The following HNRNPD variants were observed in gnomAD, a reference collection of about 807,000 sequenced individuals.
The protein encoded by HNRNPD is heterogeneous nuclear ribonucleoprotein D0.
A neutral mutation model predicts 47.9 loss-of-function variants in HNRNPD; 3 were observed. The observed-to-expected ratio is 0.06, with a 90% confidence interval of 0.03 to 0.16. HNRNPD has a LOEUF of 0.16. Among genes scored for constraint, HNRNPD ranks in the 10% least tolerant of loss-of-function variants. The pLI is 1.00. For synonymous variants in HNRNPD, 171 were observed against 165.1 expected, an observed-to-expected ratio of 1.04 and a Z score of -0.28; for missense variants, 287 against 454.2, an observed-to-expected ratio of 0.63 and a Z score of 3.35.
At chr4:82,364,552 C>A (rs1376976291) in intron 2 of HNRNPD, among the ~76,000 whole-genome samples, 4 of 152,026 alleles carry the variant, frequency 2.6e-5, no homozygotes, top group Non-Finnish European at 5.9e-5. Flanking sequence ...TATAAACTTT[C>A]CAACATTAAA....
chr4:82,368,458 GA>G (rs1719874047), intron 2 of HNRNPD, among the ~76,000 whole-genome samples: 4 of 152,110 alleles, frequency 2.6e-5, no homozygotes, highest in South Asian at 4.1e-4. Flanking sequence ...AACAAGCACT[GA>G]AAAACTTCAA....
chr4:82,357,857 G>A, intron 4 of HNRNPD: 1 of 153,876 alleles, frequency 6.5e-6, no homozygotes, highest in Admixed American at 6.5e-5. Context: ...CTACTACTCA[G>A]TTTGAGAGAT....
intron 2 of HNRNPD, among the ~76,000 whole-genome samples, chr4:82,367,881 G>A (rs1169127398): frequency 6.6e-6 from 1 of 152,200 alleles, no homozygotes; most frequent in South Asian, 2.1e-4. Flanking sequence ...AGGCTATGTA[G>A]TCAATCCTCC....
chr4:82,365,502 G>A (rs996785045), intron 2 of HNRNPD, among the ~76,000 whole-genome samples: 1 of 151,974 alleles, frequency 6.6e-6, no homozygotes, highest in Non-Finnish European at 1.5e-5. Flanking sequence ...ACACGTTAGG[G>A]TATTTTACAA....
intron 2 of HNRNPD, among the ~76,000 whole-genome samples, chr4:82,365,771 A>ATTTTTTTTTTTTTTTTTTTTTTTTTTTTT (rs80051188): frequency 9.4e-6 from 1 of 106,256 alleles, no homozygotes; most frequent in Non-Finnish European, 1.8e-5. Context: ...GGCCCAGCTA[A>ATTTTTTTTTTTTTTTTTTTTTTTTTTTTT]TTTTTTTTTT....
intron 1 of HNRNPD, 93 bp downstream of exon 1, chr4:82,373,353 G>A (rs1017350236): frequency 4.7e-6 from 7 of 1,480,844 alleles, no homozygotes; most frequent in Non-Finnish European, 6.3e-6. Flanking sequence ...CCGGAGAACG[G>A]GCTGAGAGCG....
chr4:82,373,611 G>A lies in HNRNPD; in HGVS notation c.68C>T (p.Ala23Val), dbSNP rs1028479324. ...AAATAAVGGS[A>V]GEQEGAMVAA... ...CACCATGGCTCCCTCCTGCTCGCCCGCCGAGCCGCCTACCGCCGCCGTTGC... is the reference window on the plus strand; with the variant it reads ...CACCATGGCTCCCTCCTGCTCGCCCACCGAGCCGCCTACCGCCGCCGTTGC... Residue 23 changes from alanine (A) to valine (V), a missense_variant, in exon 1 of 9, where the codon GCG becomes GTG. Transcript: ENST00000313899. The A allele has an allele frequency of 5.9e-6, 9 of 1,526,764 alleles. No individual in the cohort carries two copies. In the South Asian group the frequency reaches 7.2e-5, roughly 12 times the overall value. 94.6% of individuals were successfully genotyped at this position (1,526,764 alleles called of 1,614,324 possible).
intron 8 of HNRNPD, chr4:82,354,609 G>A (rs1382561218): frequency 6.6e-6 from 1 of 152,592 alleles, no homozygotes; most frequent in Non-Finnish European, 1.5e-5. Context: ...AGAACTTCTT[G>A]CAATTACTGC....
At position 82,358,764 on chromosome 4, in the gene HNRNPD, G is replaced by A. The variant is rs111562413; in HGVS notation, c.516C>T (p.Ala172=). 1.2e-6 allele frequency: 2 copies of A among 1,612,506 alleles called. No homozygotes were observed. The highest frequency in any genetic ancestry group is 2.2e-5 in the East Asian group (1 of 44,792). ...LNGKVIDPKR[A]KAMKTKEPVK... ...CCGGCTCTTTTGTTTTCATGGCTTT[G>A]GCCCTTTTAGGATCAATCACCTTCC... Residue 172 remains alanine, a synonymous_variant, in exon 4 of 9, where the codon GCC becomes GCT. Transcript: ENST00000313899.
At chr4:82,356,373 G>C (rs1325770615) in intron 7 of HNRNPD, 164 bp downstream of exon 7, 4 of 603,196 alleles carry the variant, frequency 6.6e-6, no homozygotes, top group Non-Finnish European at 1.2e-5. Flanking sequence ...GTGTGATATA[G>C]GCTGGGAGGA....
At chr4:82,364,535 T>C (rs906879871) in intron 2 of HNRNPD, among the ~76,000 whole-genome samples, 4 of 152,218 alleles carry the variant, frequency 2.6e-5, no homozygotes, top group Non-Finnish European at 4.4e-5. Flanking sequence ...TAAAACTGCA[T>C]AGGCTTTATA....
chr4:82,362,530 T>C (rs557555265), intron 2 of HNRNPD, among the ~76,000 whole-genome samples: 26 of 152,254 alleles, frequency 1.7e-4, no homozygotes, highest in Admixed American at 6.5e-5. Flanking sequence ...TATGCTACAA[T>C]GAACACAAAC....
chr4:82,358,378 TTTC>T (rs780559333), intron 4 of HNRNPD: 2 of 297,228 alleles, frequency 6.7e-6, no homozygotes, highest in Non-Finnish European at 1.2e-5. Context: ...CTAATCTAGA[TTTC>T]TTCCTCTTAA....
intron 1 of HNRNPD, among the ~76,000 whole-genome samples, 186 bp from the exon 2 acceptor site, chr4:82,371,770 T>C (rs1425792231): frequency 6.6e-6 from 1 of 152,212 alleles, no homozygotes; most frequent in African/African-American, 2.4e-5. Flanking sequence ...ATACAATTAA[T>C]CATTTTGGTG....
chr4:82,363,730 C>G (rs1719606104), intron 2 of HNRNPD, among the ~76,000 whole-genome samples: 1 of 152,106 alleles, frequency 6.6e-6, no homozygotes, highest in Non-Finnish European at 1.5e-5. Context: ...TTCAGCACCC[C>G]AAGGCTGAAT....
At position 82,364,751 on chromosome 4, in the gene HNRNPD, A is replaced by G. The variant is rs184990686; in HGVS notation, c.291-5112T>C. On this transcript the variant is annotated intron_variant, in intron 2 of 8. Coordinates refer to ENST00000313899, the MANE Select transcript of HNRNPD (RefSeq NM_031370.3). ...ACCTTGATGACTTGGTCTACCCTAC[A>G]TTTATGCCAGTAATTTTAGTAAAGA... is the stretch of plus-strand genomic sequence containing the variant. Among the ~76,000 whole-genome samples, 528 of 152,310 alleles carry G rather than the reference A, an allele frequency of 3.5e-3. 3 individuals carry two copies. Among genetic ancestry groups the G allele is most frequent in the Non-Finnish European group, 5.4e-3 (364 of 68,018 alleles).
At chr4:82,370,407 GTCAAATAGTTTAT>G (rs1383900390) in intron 2 of HNRNPD, among the ~76,000 whole-genome samples, 1 of 152,188 alleles carries the variant, frequency 6.6e-6, no homozygotes, top group Non-Finnish European at 1.5e-5. Flanking sequence ...ATGGAGTAAT[GTCAAATAGTTTAT>G]AGTTTAATCT....
rs1372969456 is a variant in HNRNPD, at chr4:82,353,824, A to C, written c.*361T>G. 1 of 152,634 alleles carries C rather than the reference A, an allele frequency of 6.6e-6. No homozygotes were observed. The highest frequency in any genetic ancestry group is 6.5e-5 in the Admixed American group (1 of 15,282). 9.5% of individuals were successfully genotyped at this position (152,634 alleles called of 1,614,324 possible). A position where few individuals can be genotyped will look rare whatever the true frequency, so the allele number is the denominator to read the frequency against. On this transcript the variant is annotated 3_prime_UTR_variant, in exon 9 of 9. Coordinates refer to ENST00000313899, the MANE Select transcript of HNRNPD (RefSeq NM_031370.3). ...TCCTATTCTGATGATAAAAGAGCCA[A>C]TACATTTTTATACAAAAGGATTTAT...
At chr4:82,360,951 C>T (rs1313485216) in intron 2 of HNRNPD, among the ~76,000 whole-genome samples, 1 of 152,208 alleles carries the variant, frequency 6.6e-6, no homozygotes, top group African/African-American at 2.4e-5. Flanking sequence ...ATATACTGCG[C>T]TTCCCACTTC....
Sources: allele counts gnomAD v4.1 joint callset (sites outside exome capture counted in the v4.1 genomes callset), GRCh38; gene constraint gnomAD v4.1.1; transcripts MANE v1.5; gene names NCBI Gene and HGNC (gene_info 2026-07-23, HGNC 2026-07-21).